Variants in MCTP1 observed in about 807,000 individuals in gnomAD.
The protein encoded by MCTP1 is multiple C2 and transmembrane domain containing 1.
MCTP1 carries 69 observed loss-of-function variants against 120.6 expected under a neutral mutation model. That is an observed-to-expected ratio of 0.57 (90% CI 0.47 to 0.70). The LOEUF (loss-of-function observed/expected upper bound fraction) is 0.70, where lower values mean the gene tolerates loss of function less well. Among genes scored for constraint, MCTP1 ranks in the 30% least tolerant of loss-of-function variants. MCTP1 has a pLI of 0.00. For missense variants in MCTP1, 1,203 were observed against 1,248.8 expected (o/e 0.96, Z 0.55); for synonymous variants, 529 against 493.1 (o/e 1.07, Z -0.96).
At chr5:94,770,766 AT>A (rs1193168434) in intron 19 of MCTP1, among the ~76,000 whole-genome samples, 8 of 152,200 alleles carry the variant, frequency 5.3e-5, no homozygotes, top group African/African-American at 1.9e-4. Context: ...TGAGTATGTA[AT>A]TATTTTTTTA....
chr5:94,759,394 A>G (rs944266618), intron 19 of MCTP1, among the ~76,000 whole-genome samples: 2 of 152,222 alleles, frequency 1.3e-5, no homozygotes, highest in South Asian at 2.1e-4. Flanking sequence ...TACTGGTATC[A>G]TTATTTAAAC....
At chr5:95,126,545 C>T (rs887866460) in intron 1 of MCTP1, among the ~76,000 whole-genome samples, 4 of 152,248 alleles carry the variant, frequency 2.6e-5, no homozygotes, top group South Asian at 4.1e-4. Context: ...TTTTTTTAGA[C>T]GTATAAACAC....
At chr5:95,096,508 A>G (rs1181758389) in intron 1 of MCTP1, among the ~76,000 whole-genome samples, 1 of 152,124 alleles carries the variant, frequency 6.6e-6, no homozygotes, top group Admixed American at 6.5e-5. Context: ...TAGTGAAAAA[A>G]TGGGAAGGGA....
At position 95,265,265 on chromosome 5, in the gene MCTP1, C is replaced by T. The variant is rs115650698; in HGVS notation, c.720+18591G>A. On this transcript the variant is annotated intron_variant, in intron 1 of 22. Coordinates refer to ENST00000515393, the MANE Select transcript of MCTP1 (RefSeq NM_024717.7). ...CTTCAGTCCAAGAGGTGTTCACATT[C>T]CACCCTCAGCTCTACCCAGCTTCCT... Among the ~76,000 whole-genome samples the T allele has an allele frequency of 1.4e-3, 211 of 152,236 alleles. 1 individual carries two copies. The highest frequency in any genetic ancestry group is 4.9e-3 in the African/African-American group (202 of 41,536).
intron 5 of MCTP1, among the ~76,000 whole-genome samples, chr5:94,933,103 C>T (rs1381153654): frequency 1.3e-5 from 2 of 151,722 alleles, no homozygotes; most frequent in East Asian, 1.9e-4. Context: ...TTATATGTTC[C>T]TCCTTAACAA....
chr5:95,054,702 A>G (rs545230825), intron 1 of MCTP1, among the ~76,000 whole-genome samples: 1 of 152,372 alleles, frequency 6.6e-6, no homozygotes, highest in South Asian at 2.1e-4. Flanking sequence ...ATGTGAAAAA[A>G]TAAAGAGAAG....
chr5:95,218,403 T>C (rs1171914173), intron 1 of MCTP1, among the ~76,000 whole-genome samples: 3 of 152,198 alleles, frequency 2.0e-5, no homozygotes, highest in Non-Finnish European at 4.4e-5. Context: ...TTCTTTAATC[T>C]AGTATTTCCC....
At chr5:95,165,248 T>G (rs1356864884) in intron 1 of MCTP1, among the ~76,000 whole-genome samples, 1 of 152,246 alleles carries the variant, frequency 6.6e-6, no homozygotes, top group Non-Finnish European at 1.5e-5. Flanking sequence ...CAATTTCATT[T>G]TGTATTAGGA....
intron 12 of MCTP1, among the ~76,000 whole-genome samples, chr5:94,881,949 T>C (rs987591571): frequency 6.6e-6 from 1 of 152,144 alleles, no homozygotes; most frequent in Non-Finnish European, 1.5e-5. Context: ...ATTTGATGAG[T>C]CCACTCTCAA....
intron 18 of MCTP1, 80 bp from the exon 19 acceptor site, chr5:94,779,243 G>T: frequency 1.7e-6 from 2 of 1,184,178 alleles, no homozygotes; most frequent in South Asian, 1.2e-5. Context: ...TTTTGGAAAT[G>T]AAAACTTTAT....
At chr5:95,008,437 C>T (rs1212026575) in intron 2 of MCTP1, among the ~76,000 whole-genome samples, 2 of 152,148 alleles carry the variant, frequency 1.3e-5, no homozygotes, top group African/African-American at 2.4e-5. Flanking sequence ...ACACTCACTT[C>T]CAGTTTCATG....
chr5:95,035,788 TTGAG>T (rs1841191344), intron 1 of MCTP1, among the ~76,000 whole-genome samples: 1 of 151,904 alleles, frequency 6.6e-6, no homozygotes, highest in South Asian at 2.1e-4. Context: ...TATAAAAGAG[TTGAG>T]TGATTTACAA....
At chr5:94,720,713 A>G (rs532001794) in intron 19 of MCTP1, among the ~76,000 whole-genome samples, 53 of 152,324 alleles carry the variant, frequency 3.5e-4, no homozygotes, top group Middle Eastern at 3.4e-3. Flanking sequence ...CTTTTGTAAT[A>G]AGAATATTTC....
chr5:94,928,928 A>T (rs1463509261), intron 6 of MCTP1, among the ~76,000 whole-genome samples: 1 of 152,164 alleles, frequency 6.6e-6, no homozygotes, highest in Non-Finnish European at 1.5e-5. Flanking sequence ...TCAATAGTTA[A>T]ATACAACCCC....
At chr5:94,889,056 G>A (rs1381368754) in intron 11 of MCTP1, 84 bp from the exon 12 acceptor site, 4 of 892,328 alleles carry the variant, frequency 4.5e-6, no homozygotes, top group South Asian at 3.0e-5. Flanking sequence ...ACATTTTTTA[G>A]TTTATCTTCA....
intron 1 of MCTP1, among the ~76,000 whole-genome samples, chr5:95,225,043 T>C (rs1338242705): frequency 6.6e-6 from 1 of 152,156 alleles, no homozygotes; most frequent in Non-Finnish European, 1.5e-5. Flanking sequence ...AACCTAAAGA[T>C]TAAACCAATC....
chr5:95,152,585 C>T (rs1744653942), intron 1 of MCTP1, among the ~76,000 whole-genome samples: 1 of 152,152 alleles, frequency 6.6e-6, no homozygotes, highest in Admixed American at 6.5e-5. Flanking sequence ...ACCAGTTTAG[C>T]TTCATTAACG....
At chr5:94,967,242 C>A (rs747325930) in intron 2 of MCTP1, among the ~76,000 whole-genome samples, 1 of 152,134 alleles carries the variant, frequency 6.6e-6, no homozygotes, top group Non-Finnish European at 1.5e-5. Context: ...TCCTAGAATC[C>A]TGCTGGGTGG....
In MCTP1 at chr5:94,940,204, G is replaced by A. The variant is rs1275397578; in HGVS notation, c.1062-9C>T. On this transcript the variant is annotated splice_polypyrimidine_tract_variant and intron_variant, in intron 4 of 22. Coordinates refer to ENST00000515393, the MANE Select transcript of MCTP1 (RefSeq NM_024717.7). ...GGGTCACATCTGTGGGCCTGTGATA[G>A]AAAATATTTAGATTTTGAACAGTCA... 6.6e-7 allele frequency: 1 copy of A among 1,526,060 alleles called. No individual in the cohort carries two copies. Among genetic ancestry groups the A allele is most frequent in the East Asian group, 2.3e-5 (1 of 43,960 alleles). 94.5% of individuals were successfully genotyped at this position (1,526,060 alleles called of 1,614,324 possible).
Sources: allele counts gnomAD v4.1 joint callset (sites outside exome capture counted in the v4.1 genomes callset), GRCh38; gene constraint gnomAD v4.1.1; transcripts MANE v1.5; gene names NCBI Gene and HGNC (gene_info 2026-07-23, HGNC 2026-07-21).